The following CCSER1 variants were observed in gnomAD, a reference collection of about 807,000 sequenced individuals.
CCSER1 encodes the protein coiled-coil serine rich protein 1, also known as serine-rich coiled-coil domain-containing protein 1.
CCSER1 carries 41 observed loss-of-function variants against 82.0 expected under a neutral mutation model. The observed-to-expected ratio is 0.50, with a 90% CI of 0.39 to 0.65. The LOEUF is 0.65. Among genes scored for constraint, CCSER1 ranks in the 30% least tolerant of loss-of-function variants. CCSER1 has a pLI of 0.00. For synonymous variants in CCSER1, 414 were observed against 383.9 expected, an observed-to-expected ratio of 1.08 and a Z score of -0.92; for missense variants, 1,119 against 1,064.2, an observed-to-expected ratio of 1.05 and a Z score of -0.72.
At chr4:90,976,318 GA>G (rs1735611800) in intron 9 of CCSER1, among the ~76,000 whole-genome samples, 1 of 151,060 alleles carries the variant, frequency 6.6e-6, no homozygotes, top group African/African-American at 2.4e-5. Flanking sequence ...AAGAAACAGG[GA>G]AAGTGGAAAA....
intron 5 of CCSER1, among the ~76,000 whole-genome samples, chr4:90,494,517 A>T (rs1156510593): frequency 4.6e-5 from 7 of 152,220 alleles, no homozygotes; most frequent in Admixed American, 4.6e-4. Context: ...ATTTGGAAGT[A>T]AAGCACTCCT....
At chr4:90,705,528 A>C (rs1244217910) in intron 6 of CCSER1, among the ~76,000 whole-genome samples, 5 of 152,172 alleles carry the variant, frequency 3.3e-5, no homozygotes, top group Admixed American at 6.5e-5. Context: ...ATGTCTGCAG[A>C]GGTTTCTGCT....
At chr4:90,312,492 A>G (rs542137249) in intron 2 of CCSER1, among the ~76,000 whole-genome samples, 2 of 152,158 alleles carry the variant, frequency 1.3e-5, no homozygotes, top group East Asian at 3.8e-4. Flanking sequence ...GGAGAGGCAG[A>G]TGAGAGTAGG....
At chr4:90,784,910 T>A (rs918584537) in intron 7 of CCSER1, among the ~76,000 whole-genome samples, 1 of 152,144 alleles carries the variant, frequency 6.6e-6, no homozygotes, top group African/African-American at 2.4e-5. Context: ...ATTCATTAAG[T>A]GGAAGTAGAT....
At chr4:90,266,729 T>C (rs578203266) in intron 1 of CCSER1, among the ~76,000 whole-genome samples, 150 of 152,066 alleles carry the variant, frequency 9.9e-4, no homozygotes, top group African/African-American at 3.1e-3. Flanking sequence ...GGAGGGAGCA[T>C]TTAGACTAGC....
At chr4:91,260,592 C>G (rs1741032759) in intron 10 of CCSER1, among the ~76,000 whole-genome samples, 1 of 152,220 alleles carries the variant, frequency 6.6e-6, no homozygotes, top group African/African-American at 2.4e-5. Flanking sequence ...TTCTGTTAAA[C>G]ACCAATTTCC....
chr4:91,180,156 A>G (rs576443412), intron 10 of CCSER1, among the ~76,000 whole-genome samples: 1 of 152,174 alleles, frequency 6.6e-6, no homozygotes, highest in African/African-American at 2.4e-5. Flanking sequence ...TTGCTGCCTC[A>G]TCCTTCCTCT....
At chr4:90,391,636 C>T (rs1578241643) in intron 3 of CCSER1, among the ~76,000 whole-genome samples, 4 of 149,904 alleles carry the variant, frequency 2.7e-5, no homozygotes, top group South Asian at 2.1e-4. Context: ...TTATATTTTA[C>T]AAATGGGTAA....
intron 6 of CCSER1, among the ~76,000 whole-genome samples, chr4:90,682,705 T>TGGTAG (rs968811603): frequency 6.6e-6 from 1 of 152,100 alleles, no homozygotes; most frequent in Non-Finnish European, 1.5e-5. Flanking sequence ...GCACTAATAA[T>TGGTAG]ATCTACCAAG....
At chr4:91,203,817 T>G (rs1199513871) in intron 10 of CCSER1, among the ~76,000 whole-genome samples, 3 of 151,794 alleles carry the variant, frequency 2.0e-5, no homozygotes, top group African/African-American at 7.2e-5. Context: ...TAGTCTACAG[T>G]GTTTTGACCA....
intron 5 of CCSER1, among the ~76,000 whole-genome samples, chr4:90,619,739 A>G (rs148750274): frequency 6.3e-4 from 96 of 152,220 alleles, no homozygotes; most frequent in African/African-American, 2.2e-3. Flanking sequence ...TGTGTGTGTA[A>G]ACAGATTTGG....
chr4:90,877,102 G>A (rs1767310773), intron 8 of CCSER1, among the ~76,000 whole-genome samples: 1 of 152,002 alleles, frequency 6.6e-6, no homozygotes, highest in South Asian at 2.1e-4. Flanking sequence ...AGAGAAACTA[G>A]TATTGTTTCC....
In CCSER1 at chr4:90,741,497, C is replaced by T. The variant is rs150388779; in HGVS notation, c.2010+17506C>T. On this transcript the variant is annotated intron_variant, in intron 7 of 10. Transcript: ENST00000509176. ...ACACCAATATTAAGGTTTTAAAATA[C>T]GTGATATATACATCAGATACTGAAT... Among the ~76,000 whole-genome samples, 417 of 152,228 alleles carry T rather than the reference C, an allele frequency of 2.7e-3. 3 individuals carry two copies. Among genetic ancestry groups the T allele is most frequent in the African/African-American group, 9.5e-3 (395 of 41,544 alleles).
intron 3 of CCSER1, among the ~76,000 whole-genome samples, chr4:90,365,520 G>A (rs1052930133): frequency 1.3e-5 from 2 of 151,742 alleles, no homozygotes; most frequent in African/African-American, 4.8e-5. Context: ...TATGTACATA[G>A]GATGATTTTA....
chr4:90,436,835 C>T (rs1759066451), intron 4 of CCSER1, among the ~76,000 whole-genome samples: 1 of 147,896 alleles, frequency 6.8e-6, no homozygotes. Flanking sequence ...GAGACGGAGT[C>T]TCACTCTGTC....
intron 1 of CCSER1, among the ~76,000 whole-genome samples, chr4:90,237,725 T>C (rs1417957748): frequency 6.6e-6 from 1 of 152,208 alleles, no homozygotes; most frequent in Non-Finnish European, 1.5e-5. Context: ...GTGGACTTTT[T>C]CTTAACGTCT....
At chr4:90,823,937 T>G (rs1436468539) in intron 8 of CCSER1, among the ~76,000 whole-genome samples, 1 of 152,020 alleles carries the variant, frequency 6.6e-6, no homozygotes. Flanking sequence ...AATAAAAGTT[T>G]TAACTAGCTT....
At chr4:91,202,551 A>G (rs1735985205) in intron 10 of CCSER1, among the ~76,000 whole-genome samples, 1 of 152,036 alleles carries the variant, frequency 6.6e-6, no homozygotes, top group Admixed American at 6.6e-5. Context: ...TGATTGCCGA[A>G]AGAGGCAGGA....
intron 10 of CCSER1, among the ~76,000 whole-genome samples, chr4:91,370,990 T>C (rs1440139859): frequency 6.6e-6 from 1 of 152,002 alleles, no homozygotes; most frequent in African/African-American, 2.4e-5. Flanking sequence ...GTCTCCTGAG[T>C]AGCTGGGATT....
Sources: allele counts gnomAD v4.1 joint callset (sites outside exome capture counted in the v4.1 genomes callset), GRCh38; gene constraint gnomAD v4.1.1; transcripts MANE v1.5; gene names NCBI Gene and HGNC (gene_info 2026-07-23, HGNC 2026-07-21).